The following GXYLT2 variants were observed in gnomAD, a reference collection of about 807,000 sequenced individuals.
GXYLT2 encodes the protein glucoside xylosyltransferase 2.
Under a neutral mutation model 45.8 loss-of-function variants are expected in GXYLT2, and 53 were observed. The observed-to-expected ratio is 1.16, with a 90% confidence interval of 0.93 to 1.46. GXYLT2 has a LOEUF of 1.46. GXYLT2 is among the 40% of genes most tolerant of loss of function. GXYLT2 has a pLI of 0.00. For missense variants in GXYLT2, 551 were observed against 544.4 expected (o/e 1.01, Z -0.12); for synonymous variants, 219 against 214.2 (o/e 1.02, Z -0.19).
At chr3:72,892,237 T>C (rs1398235867) in intron 1 of GXYLT2, among the ~76,000 whole-genome samples, 1 of 152,252 alleles carries the variant, frequency 6.6e-6, no homozygotes, top group Non-Finnish European at 1.5e-5. Flanking sequence ...CAATGGTTAT[T>C]GCATGGCCCT....
intron 1 of GXYLT2, among the ~76,000 whole-genome samples, chr3:72,900,418 T>A (rs1709382223): frequency 6.6e-6 from 1 of 152,112 alleles, no homozygotes; most frequent in Non-Finnish European, 1.5e-5. Context: ...CATCACAATT[T>A]TATTTTTTTT....
intron 3 of GXYLT2, among the ~76,000 whole-genome samples, chr3:72,941,161 AT>A (rs1178193545): frequency 4.6e-5 from 7 of 152,200 alleles, no homozygotes; most frequent in Admixed American, 4.6e-4. Context: ...TGTATTTACA[AT>A]TAAGACAAAA....
intron 2 of GXYLT2, among the ~76,000 whole-genome samples, chr3:72,921,713 G>A (rs1709836307): frequency 6.6e-6 from 1 of 152,168 alleles, no homozygotes; most frequent in Non-Finnish European, 1.5e-5. Context: ...ACAGGCATGA[G>A]CCACCATCCC....
intron 2 of GXYLT2, among the ~76,000 whole-genome samples, chr3:72,918,034 T>C (rs1457042077): frequency 7.2e-5 from 11 of 152,180 alleles, no homozygotes; most frequent in Admixed American, 7.2e-4. Flanking sequence ...AGTAACTATT[T>C]TAGGCTTTGC....
chr3:72,933,473 A>G (rs1710083694), intron 3 of GXYLT2, among the ~76,000 whole-genome samples: 2 of 152,238 alleles, frequency 1.3e-5, no homozygotes, highest in Admixed American at 1.3e-4. Context: ...TATGTTGATT[A>G]CTTACTGTAA....
At chr3:72,973,437 G>A (rs1228859373) in intron 6 of GXYLT2, among the ~76,000 whole-genome samples, 1 of 152,200 alleles carries the variant, frequency 6.6e-6, no homozygotes, top group Non-Finnish European at 1.5e-5. Context: ...TAGAACAAGG[G>A]AGGAGTTGGA....
chr3:72,959,634 T>G (rs902561913), intron 5 of GXYLT2, among the ~76,000 whole-genome samples: 3 of 152,026 alleles, frequency 2.0e-5, no homozygotes, highest in African/African-American at 7.2e-5. Context: ...TTAGGTAGGT[T>G]TCATCTTTTT....
At chr3:72,968,779 A>G (rs1480524134) in intron 6 of GXYLT2, among the ~76,000 whole-genome samples, 8 of 151,704 alleles carry the variant, frequency 5.3e-5, no homozygotes, top group Admixed American at 5.3e-4. Flanking sequence ...TACAAAAATT[A>G]GGCTTGGCGC....
At chr3:72,899,961 C>T (rs1709371132) in intron 1 of GXYLT2, among the ~76,000 whole-genome samples, 1 of 152,104 alleles carries the variant, frequency 6.6e-6, no homozygotes, top group South Asian at 2.1e-4. Flanking sequence ...GAAAGAAGTG[C>T]GATTTTCCAT....
intron 2 of GXYLT2, among the ~76,000 whole-genome samples, chr3:72,909,480 G>A (rs991534373): frequency 2.0e-5 from 3 of 151,868 alleles, no homozygotes; most frequent in African/African-American, 7.3e-5. Flanking sequence ...TTTCTTTTAC[G>A]AAAATCAGGA....
rs769939194 is a variant in GXYLT2 at position 72,957,352 on chromosome 3, G to T, written c.976G>T (p.Glu326Ter). The T allele has an allele frequency of 6.2e-7, 1 of 1,600,890 alleles. No homozygotes were observed. The highest frequency in any genetic ancestry group is 8.5e-7 in the Non-Finnish European group (1 of 1,173,444). Residue 326 changes from glutamate to a stop codon, truncating the protein, a stop_gained and splice_region_variant, in exon 5 of 7, where the codon GAG becomes TAG. Transcript: ENST00000389617. LOFTEE classifies it high-confidence loss of function. ...AAATATTATTTTTTATTTCAACCCAGGTAGGTTATCTTTGGAGAATGCCTT... is the reference window on the plus strand; with the variant it reads ...AAATATTATTTTTTATTTCAACCCATGTAGGTTATCTTTGGAGAATGCCTT... Reference protein sequence around the residue: ...LLNIIFYFNPECLYVFPCQWN... With the variant: ...LLNIIFYFNP
chr3:72,927,998 T>G (rs1709952240), intron 3 of GXYLT2, among the ~76,000 whole-genome samples: 1 of 152,222 alleles, frequency 6.6e-6, no homozygotes, highest in African/African-American at 2.4e-5. Context: ...CACAGCTAGA[T>G]CCAGAGGCTA....
chr3:72,932,821 A>G (rs1327401543), intron 3 of GXYLT2, among the ~76,000 whole-genome samples: 3 of 152,226 alleles, frequency 2.0e-5, no homozygotes, highest in African/African-American at 7.2e-5. Context: ...GAAGCATTTA[A>G]TGGAGACAAA....
intron 1 of GXYLT2, among the ~76,000 whole-genome samples, chr3:72,900,706 C>A (rs62249896): frequency 6.6e-6 from 1 of 151,412 alleles, no homozygotes; most frequent in Non-Finnish European, 1.5e-5. Flanking sequence ...GCATGAGTTA[C>A]CACACCCAGC....
chr3:72,888,480 G>C lies in GXYLT2; in HGVS notation c.247G>C (p.Gly83Arg). ...PRPRPRAGRR[G>R]AARLEKLARR... ...TCCGCGCCCCCGAGCGGGCCGCCGG[G>C]GCGCTGCGAGACTGGAGAAGTTGGC... The change falls in exon 1 of 7, where the codon GGC (glycine) becomes CGC (arginine). Residue 83 changes from glycine to arginine, a missense_variant. By Grantham distance (125) the Gly-to-Arg change is moderately radical. Transcript: ENST00000389617. 4.0e-6 allele frequency: 5 copies of C among 1,252,850 alleles called. No individual in the cohort carries two copies. The highest frequency in any genetic ancestry group is 1.6e-5 in the African/African-American group (1 of 63,504). 77.6% of individuals were successfully genotyped at this position (1,252,850 alleles called of 1,614,324 possible).
At chr3:72,947,619 G>T (rs894665514) in intron 3 of GXYLT2, among the ~76,000 whole-genome samples, 1 of 152,092 alleles carries the variant, frequency 6.6e-6, no homozygotes, top group Non-Finnish European at 1.5e-5. Flanking sequence ...AGCCAACATG[G>T]TGAAACCTTG....
chr3:72,970,182 C>A (rs775059498), intron 6 of GXYLT2, among the ~76,000 whole-genome samples: 1 of 151,970 alleles, frequency 6.6e-6, no homozygotes, highest in African/African-American at 2.4e-5. Context: ...AAAACCCCAT[C>A]TCTACTAAAA....
chr3:72,951,563 G>A (rs143639447), intron 3 of GXYLT2, among the ~76,000 whole-genome samples: 1 of 152,180 alleles, frequency 6.6e-6, no homozygotes, highest in East Asian at 1.9e-4. Context: ...AAGTCACGAG[G>A]GTATTACCTC....
intron 1 of GXYLT2, among the ~76,000 whole-genome samples, chr3:72,901,554 CTTTTTTTTTTTTTTT>C (rs71124002): frequency 2.1e-4 from 16 of 77,196 alleles, no homozygotes; most frequent in Middle Eastern, 0.015. Flanking sequence ...AACATTTTCG[CTTTTTTTTTTTTTTT>C]TTTTTTTTTG....
Sources: allele counts gnomAD v4.1 joint callset (sites outside exome capture counted in the v4.1 genomes callset), GRCh38; gene constraint gnomAD v4.1.1; transcripts MANE v1.5; gene names NCBI Gene and HGNC (gene_info 2026-07-23, HGNC 2026-07-21).